CDH2: variants seen among roughly 807,000 people sequenced by gnomAD.
CDH2 encodes cadherin 2.
CDH2 carries 17 observed loss-of-function variants against 92.0 expected under a neutral mutation model. That is an observed-to-expected ratio of 0.18 (90% CI 0.13 to 0.28). The LOEUF is 0.28. Ranked by LOEUF, CDH2 falls within the 10% of genes least tolerant of loss-of-function variation. CDH2 has a pLI of 1.00. For synonymous variants in CDH2, 419 were observed against 415.9 expected (o/e 1.01, Z -0.09); for missense variants, 862 against 1,133.1 (o/e 0.76, Z 3.44).
At chr18:28,071,785 C>G (rs144608845) in intron 2 of CDH2, among the ~76,000 whole-genome samples, 1 of 152,100 alleles carries the variant, frequency 6.6e-6, no homozygotes, top group Non-Finnish European at 1.5e-5. Flanking sequence ...TCTCTCCCTT[C>G]GAGCTTCCTT....
chr18:28,156,510 AATGTCACCTTCCCAGGTACAGC>A (rs1568020494), intron 1 of CDH2, among the ~76,000 whole-genome samples: 13 of 21,340 alleles, frequency 6.1e-4, no homozygotes, highest in African/African-American at 2.3e-3. Flanking sequence ...CCAGGTATAG[AATGTCACCTTCCCAGGTACAGC>A]ATGTCACCTT....
chr18:27,942,384 T>C (rs1909160037), intron 6 of CDH2, among the ~76,000 whole-genome samples: 1 of 152,202 alleles, frequency 6.6e-6, no homozygotes, highest in Admixed American at 6.5e-5. Context: ...TAACTTGTAA[T>C]GGTGTGGTTA....
At chr18:27,969,965 ACT>A (rs1449285328) in intron 14 of CDH2, among the ~76,000 whole-genome samples, 1 of 152,202 alleles carries the variant, frequency 6.6e-6, no homozygotes, top group Non-Finnish European at 1.5e-5. Context: ...GTGCCATTGC[ACT>A]CCAGCCTGGG....
intron 2 of CDH2, among the ~76,000 whole-genome samples, chr18:28,080,565 A>G (rs1797437712): frequency 6.6e-6 from 1 of 152,220 alleles, no homozygotes; most frequent in Non-Finnish European, 1.5e-5. Context: ...TTGATTATCA[A>G]AAAATGCTGA....
intron 2 of CDH2, among the ~76,000 whole-genome samples, chr18:28,027,325 AT>A (rs199960499): frequency 3.3e-4 from 50 of 152,104 alleles, no homozygotes; most frequent in African/African-American, 1.2e-3. Flanking sequence ...AAAAAAAAAA[AT>A]TTTCAAATTA....
intron 2 of CDH2, among the ~76,000 whole-genome samples, chr18:28,060,281 G>C (rs1229306299): frequency 6.6e-6 from 1 of 152,102 alleles, no homozygotes; most frequent in Non-Finnish European, 1.5e-5. Flanking sequence ...CTGCCTCCCA[G>C]GTTCAAGCAA....
intron 6 of CDH2, among the ~76,000 whole-genome samples, chr18:27,943,847 G>C (rs1045308023): frequency 6.6e-6 from 1 of 152,142 alleles, no homozygotes; most frequent in African/African-American, 2.4e-5. Flanking sequence ...AAGAGATGAG[G>C]CTTTGATTTA....
chr18:28,016,793 GAAT>G (rs1320347020), intron 2 of CDH2, among the ~76,000 whole-genome samples: 4 of 152,060 alleles, frequency 2.6e-5, no homozygotes, highest in Non-Finnish European at 4.4e-5. Flanking sequence ...CATACGAAGA[GAAT>G]AATGCCAAAT....
chr18:28,035,869 C>A (rs1056592648), intron 2 of CDH2, among the ~76,000 whole-genome samples: 4 of 151,964 alleles, frequency 2.6e-5, no homozygotes, highest in Admixed American at 2.0e-4. Context: ...ATGTATTTCA[C>A]CAGCAAGGAA....
rs888970577 is a variant in CDH2, at chr18:28,079,747, C to T, written c.173-65838G>A. On this transcript the variant is annotated intron_variant, in intron 2 of 15. Transcript: ENST00000269141. ...CTAAAACCACGGAACTGCATCATCA[C>T]GGTAATGCCCTATGGTGGACACTTT... 4.6e-5 allele frequency among the ~76,000 whole-genome samples: 7 copies of T among 152,160 alleles called. No individual in the cohort carries two copies. In the East Asian group the frequency reaches 5.8e-4, roughly 13 times the overall value.
At chr18:28,009,975 T>C (rs775007906) in intron 4 of CDH2, 103 bp from the exon 5 acceptor site, 7 of 809,168 alleles carry the variant, frequency 8.7e-6, no homozygotes, top group South Asian at 8.5e-5. Context: ...TACAAACTTA[T>C]ACCATCTCTC....
intron 15 of CDH2, among the ~76,000 whole-genome samples, chr18:27,956,238 T>A (rs2011244404): frequency 6.6e-6 from 1 of 152,200 alleles, no homozygotes; most frequent in Non-Finnish European, 1.5e-5. Flanking sequence ...TCTCTAGGTT[T>A]GACTAAATTT....
At position 27,983,089 on chromosome 18, in the gene CDH2, T is replaced by C. The variant is rs202207758; in HGVS notation, c.2210-6A>G. 38 of 1,601,832 alleles carry C rather than the reference T, an allele frequency of 2.4e-5. No individual in the cohort carries two copies. Among genetic ancestry groups the C allele is most frequent in the Non-Finnish European group, 3.1e-5 (36 of 1,174,706 alleles). On this transcript the variant is annotated splice_polypyrimidine_tract_variant and splice_region_variant and intron_variant, in intron 13 of 15. Coordinates refer to ENST00000269141, the MANE Select transcript of CDH2 (RefSeq NM_001792.5). ...CACAAACATCAGCACAAGGACTAGG[T>C]AGAAAAATAGTAAAAATACATAATA...
rs554759536 is a variant in CDH2, at chr18:28,083,538, G to A, written c.172+64135C>T. Among the ~76,000 whole-genome samples, 6 of 152,254 alleles carry A rather than the reference G, an allele frequency of 3.9e-5. 1 individual carries two copies. In the South Asian group the frequency reaches 1.2e-3, roughly 32 times the overall value. On this transcript the variant is annotated intron_variant, in intron 2 of 15. Coordinates refer to ENST00000269141, the MANE Select transcript of CDH2 (RefSeq NM_001792.5). ...AAGGAAACTAACATCCCAGAGGTAC[G>A]TGACTTTTCTAAGGTCACAAAGCTA...
At chr18:27,993,779 G>A in intron 7 of CDH2, 142 bp from the exon 8 acceptor site, 2 of 651,872 alleles carry the variant, frequency 3.1e-6, no homozygotes, top group South Asian at 3.9e-5. Context: ...TTTCGCAAGT[G>A]GAGTTTCCTT....
chr18:28,164,141 A>T (rs2144358351), intron 1 of CDH2, among the ~76,000 whole-genome samples: 1 of 152,326 alleles, frequency 6.6e-6, no homozygotes, highest in East Asian at 1.9e-4. Context: ...ATATATATAT[A>T]AAATACAAAT....
chr18:28,073,786 T>A (rs1490643246), intron 2 of CDH2, among the ~76,000 whole-genome samples: 1 of 152,156 alleles, frequency 6.6e-6, no homozygotes, highest in African/African-American at 2.4e-5. Context: ...TTTGATATTC[T>A]ACTAGCCATG....
intron 2 of CDH2, chr18:28,036,719 CAG>C (rs763824606): frequency 1.7e-6 from 1 of 604,612 alleles, no homozygotes; most frequent in Non-Finnish European, 2.9e-6. Context: ...GTGGCTCAAA[CAG>C]AGCCCTTATT....
chr18:28,106,469 C>T (rs1414453604), intron 2 of CDH2, among the ~76,000 whole-genome samples: 1 of 74,322 alleles, frequency 1.3e-5, no homozygotes, highest in Non-Finnish European at 2.8e-5. Context: ...ATCAACTTAC[C>T]AGAGTTTTTT....
Sources: allele counts gnomAD v4.1 joint callset (sites outside exome capture counted in the v4.1 genomes callset), GRCh38; gene constraint gnomAD v4.1.1; transcripts MANE v1.5; gene names NCBI Gene and HGNC (gene_info 2026-07-23, HGNC 2026-07-21).